CCSER1: variants seen among roughly 807,000 people sequenced by gnomAD.
The protein encoded by CCSER1 is serine-rich coiled-coil domain-containing protein 1.
In CCSER1, 41 loss-of-function variants were observed where a neutral mutation model predicts 82.0. The observed-to-expected ratio is 0.50, with a 90% CI of 0.39 to 0.65. The LOEUF (loss-of-function observed/expected upper bound fraction) is 0.65, where lower values mean the gene tolerates loss of function less well. Among genes scored for constraint, CCSER1 ranks in the 30% least tolerant of loss-of-function variants. The pLI, the probability that CCSER1 is intolerant of heterozygous loss-of-function variation, is 0.00. For synonymous variants in CCSER1, 414 were observed against 383.9 expected, an observed-to-expected ratio of 1.08 and a Z score of -0.92; for missense variants, 1,119 against 1,064.2, an observed-to-expected ratio of 1.05 and a Z score of -0.72.
At chr4:91,528,880 A>G (rs1465784011) in intron 10 of CCSER1, among the ~76,000 whole-genome samples, 2 of 152,090 alleles carry the variant, frequency 1.3e-5, no homozygotes, top group Non-Finnish European at 2.9e-5. Flanking sequence ...AAAATACTAC[A>G]TACATCCCAG....
chr4:90,846,848 C>T (rs567424753), intron 8 of CCSER1, among the ~76,000 whole-genome samples: 16 of 152,180 alleles, frequency 1.1e-4, no homozygotes, highest in Admixed American at 6.5e-4. Flanking sequence ...GGGATTTCAC[C>T]ATGTTGGCCA....
chr4:90,534,236 T>A (rs1774988453), intron 5 of CCSER1, among the ~76,000 whole-genome samples: 1 of 152,156 alleles, frequency 6.6e-6, no homozygotes, highest in South Asian at 2.1e-4. Flanking sequence ...TTCACGCCAT[T>A]CTCCTGCCTC....
At chr4:90,326,476 C>T (rs1435724257) in intron 3 of CCSER1, among the ~76,000 whole-genome samples, 1 of 150,130 alleles carries the variant, frequency 6.7e-6, no homozygotes, top group Admixed American at 6.7e-5. Context: ...TCTGAAATTC[C>T]ATATATATAT....
At chr4:91,381,324 T>C (rs1277064116) in intron 10 of CCSER1, among the ~76,000 whole-genome samples, 4 of 152,190 alleles carry the variant, frequency 2.6e-5, no homozygotes, top group Non-Finnish European at 5.9e-5. Context: ...TTCTCCTGGA[T>C]AATATCCTGC....
At chr4:90,864,721 G>A (rs1765530240) in intron 8 of CCSER1, among the ~76,000 whole-genome samples, 1 of 152,008 alleles carries the variant, frequency 6.6e-6, no homozygotes, top group African/African-American at 2.4e-5. Context: ...CAATCTATGG[G>A]AAGAGTGGTT....
intron 10 of CCSER1, among the ~76,000 whole-genome samples, chr4:91,290,560 G>T (rs1284367407): frequency 1.3e-5 from 2 of 151,904 alleles, no homozygotes; most frequent in East Asian, 3.9e-4. Flanking sequence ...CAGAGGAGAG[G>T]CAGGAACCAA....
At chr4:91,208,181 T>C (rs1276121710) in intron 10 of CCSER1, among the ~76,000 whole-genome samples, 1 of 151,982 alleles carries the variant, frequency 6.6e-6, no homozygotes, top group African/African-American at 2.4e-5. Context: ...ATTCTGTAGG[T>C]TGCCTGTTTA....
intron 8 of CCSER1, among the ~76,000 whole-genome samples, chr4:90,828,993 A>T (rs558761248): frequency 4.7e-4 from 72 of 152,244 alleles, no homozygotes; most frequent in Non-Finnish European, 7.2e-4. Flanking sequence ...GCATGTGGGG[A>T]TGTCACCTAG....
At chr4:90,569,521 T>C (rs985547461) in intron 5 of CCSER1, among the ~76,000 whole-genome samples, 2 of 152,162 alleles carry the variant, frequency 1.3e-5, no homozygotes, top group Non-Finnish European at 2.9e-5. Flanking sequence ...AAGGAAGTGA[T>C]GAGTGAAGGA....
chr4:90,511,730 A>G (rs1304541118), intron 5 of CCSER1, among the ~76,000 whole-genome samples: 1 of 152,220 alleles, frequency 6.6e-6, no homozygotes, highest in Non-Finnish European at 1.5e-5. Context: ...TTCAAGTAAT[A>G]ACGTGTAAAG....
intron 10 of CCSER1, among the ~76,000 whole-genome samples, chr4:91,577,982 G>A (rs1763530204): frequency 6.6e-6 from 1 of 151,934 alleles, no homozygotes. Context: ...ACTAAAGACT[G>A]CAAGTTCAGC....
Position 91,114,989 on chromosome 4 carries a change from G to A in CCSER1, c.2217+28995G>A, listed in dbSNP as rs912899584. Among the ~76,000 whole-genome samples the A allele has an allele frequency of 1.5e-4, 23 of 151,998 alleles. 1 individual carries two copies. In the East Asian group the frequency reaches 3.3e-3, roughly 22 times the overall value. On this transcript the variant is annotated intron_variant, in intron 10 of 10. Coordinates refer to ENST00000509176, the MANE Select transcript of CCSER1 (RefSeq NM_001145065.2). ...CATGCCGTGAGTTTTTATTTTATGG[G>A]AAATTAAATTATATAAATTGGAAAG...
At chr4:91,372,535 C>CT (rs1371462733) in intron 10 of CCSER1, among the ~76,000 whole-genome samples, 1 of 150,938 alleles carries the variant, frequency 6.6e-6, no homozygotes, top group African/African-American at 2.5e-5. Flanking sequence ...ATTGTTCTTT[C>CT]TTTTTTTGAA....
intron 10 of CCSER1, among the ~76,000 whole-genome samples, chr4:91,454,112 G>A (rs962789701): frequency 6.6e-6 from 1 of 152,040 alleles, no homozygotes; most frequent in African/African-American, 2.4e-5. Flanking sequence ...TTTTAATAGT[G>A]TTTGCATTGG....
chr4:91,260,990 C>T (rs1395217614), intron 10 of CCSER1, among the ~76,000 whole-genome samples: 4 of 152,260 alleles, frequency 2.6e-5, no homozygotes, highest in Admixed American at 6.5e-5. Context: ...GTCTCGATCT[C>T]CTGACCTGGT....
chr4:91,139,552 A>G (rs1728825190), intron 10 of CCSER1, among the ~76,000 whole-genome samples: 1 of 152,212 alleles, frequency 6.6e-6, no homozygotes, highest in African/African-American at 2.4e-5. Flanking sequence ...AAGGGGACAA[A>G]TGTAGTCATT....
intron 8 of CCSER1, among the ~76,000 whole-genome samples, chr4:90,849,791 A>T (rs1399570282): frequency 2.1e-3 from 177 of 83,614 alleles, no homozygotes; most frequent in African/African-American, 7.1e-3. Context: ...TCCATCTCAT[A>T]AAAAAAAAAA....
intron 1 of CCSER1, among the ~76,000 whole-genome samples, chr4:90,286,278 T>C (rs952282810): frequency 2.0e-5 from 3 of 151,974 alleles, no homozygotes; most frequent in Non-Finnish European, 4.4e-5. Context: ...CTTTTTTTCA[T>C]TGGGAGACTT....
chr4:91,080,466 G>A (rs928768435), intron 9 of CCSER1, among the ~76,000 whole-genome samples: 23 of 152,170 alleles, frequency 1.5e-4, no homozygotes, highest in African/African-American at 5.6e-4. Flanking sequence ...GAGAAAGCAG[G>A]AGAGATTTAA....
Sources: allele counts gnomAD v4.1 joint callset (sites outside exome capture counted in the v4.1 genomes callset), GRCh38; gene constraint gnomAD v4.1.1; transcripts MANE v1.5; gene names NCBI Gene and HGNC (gene_info 2026-07-23, HGNC 2026-07-21).